Variants in CCDC171 observed in about 807,000 individuals in gnomAD.
The protein encoded by CCDC171 is coiled-coil domain containing 171, also known as coiled-coil domain-containing protein 171.
CCDC171 carries 177 observed loss-of-function variants against 168.2 expected under a neutral mutation model. The observed-to-expected ratio is 1.05, with a 90% CI of 0.93 to 1.19. The LOEUF is 1.19. Among genes scored for constraint, CCDC171 ranks in the 50% most tolerant of loss-of-function variants. The pLI is 0.00. For missense variants in CCDC171, 1,991 were observed against 1,539.0 expected (o/e 1.29, Z -4.91); for synonymous variants, 687 against 540.8 (o/e 1.27, Z -3.75).
At chr9:15,787,622 T>C (rs1240125330) in intron 21 of CCDC171, among the ~76,000 whole-genome samples, 1 of 152,200 alleles carries the variant, frequency 6.6e-6, no homozygotes, top group Non-Finnish European at 1.5e-5. Flanking sequence ...TATCTGTGAT[T>C]ATTTCATCAG....
At chr9:16,040,881 CT>C (rs998554106), upstream of CCDC171, among the ~76,000 whole-genome samples, 7 of 151,212 alleles carry the variant, frequency 4.6e-5, no homozygotes, top group African/African-American at 1.7e-4. Flanking sequence ...GATACTCTCT[CT>C]TTTTTTTTCA....
intron 24 of CCDC171, among the ~76,000 whole-genome samples, chr9:15,918,259 G>A (rs1283807907): frequency 6.6e-6 from 1 of 150,956 alleles, no homozygotes; most frequent in Non-Finnish European, 1.5e-5. Context: ...CTGCACTTCA[G>A]TAAATCCCTA....
At chr9:15,703,069 A>AT (rs1564246321) in intron 11 of CCDC171, among the ~76,000 whole-genome samples, 15 of 151,716 alleles carry the variant, frequency 9.9e-5, no homozygotes, top group South Asian at 4.2e-4. Context: ...ACACCCAGCT[A>AT]ATTTTTTTTA....
At chr9:16,102,947 T>G in the CCDC171 span, among the ~76,000 whole-genome samples, 42 of 152,336 alleles carry the variant, frequency 2.8e-4, 2 homozygotes, top group African/African-American at 4.8e-5. Context: ...TTCTCAATTA[T>G]ATTTCCTTTC....
At chr9:15,755,881 A>G (rs1291162170) in intron 18 of CCDC171, among the ~76,000 whole-genome samples, 1 of 152,214 alleles carries the variant, frequency 6.6e-6, no homozygotes, top group African/African-American at 2.4e-5. Flanking sequence ...GGTTGTGGTT[A>G]TAGTTGCACA....
At chr9:15,993,472 G>A (rs1030154187) in intron 3 of CCDC171, among the ~76,000 whole-genome samples, 1 of 151,896 alleles carries the variant, frequency 6.6e-6, no homozygotes, top group Non-Finnish European at 1.5e-5. Flanking sequence ...TAAATGGTAG[G>A]CCTAAACCCA....
chr9:15,599,688 G>T (rs967466578), intron 6 of CCDC171, among the ~76,000 whole-genome samples: 1 of 152,122 alleles, frequency 6.6e-6, no homozygotes, highest in African/African-American at 2.4e-5. Context: ...GAATCTGAAT[G>T]TTGGCCTGCC....
intron 16 of CCDC171, among the ~76,000 whole-genome samples, chr9:15,732,447 C>G (rs75080305): frequency 0.021 from 3,129 of 152,156 alleles, 102 homozygotes; most frequent in African/African-American, 0.071. Context: ...AGCCTTGGTA[C>G]CTTTGTGAAA....
intron 6 of CCDC171, among the ~76,000 whole-genome samples, chr9:16,025,240 A>C (rs1833254565): frequency 6.6e-6 from 1 of 152,174 alleles, no homozygotes; most frequent in South Asian, 2.1e-4. Flanking sequence ...TCAGGAGTTC[A>C]AAACCAGCCT....
chr9:15,925,171 C>G (rs777466218), intron 25 of CCDC171, among the ~76,000 whole-genome samples: 1 of 151,520 alleles, frequency 6.6e-6, no homozygotes, highest in South Asian at 2.1e-4. Context: ...CTAACCAAGA[C>G]AATGCACTGA....
At chr9:15,661,693 AT>A in intron 8 of CCDC171, among the ~76,000 whole-genome samples, 1 of 152,198 alleles carries the variant, frequency 6.6e-6, no homozygotes, top group East Asian at 1.9e-4. Context: ...TTGTTTGTAT[AT>A]TTTGGCATAA....
At chr9:15,825,781 A>C (rs1419190165) in intron 21 of CCDC171, among the ~76,000 whole-genome samples, 1 of 152,164 alleles carries the variant, frequency 6.6e-6, no homozygotes, top group Admixed American at 6.5e-5. Flanking sequence ...ATTAGCAGCT[A>C]GTTAGCTGTC....
At chr9:15,678,713 T>G in intron 9 of CCDC171, 45 bp from the exon 10 acceptor site, 1 of 1,519,270 alleles carries the variant, frequency 6.6e-7, no homozygotes, top group Non-Finnish European at 8.9e-7. Context: ...TATCAGTTGA[T>G]GTAAGCATGT....
intron 20 of CCDC171, among the ~76,000 whole-genome samples, chr9:15,781,556 C>T (rs1428321401): frequency 8.5e-5 from 13 of 152,150 alleles, no homozygotes; most frequent in Non-Finnish European, 1.5e-4. Context: ...GTGTTACAGG[C>T]GCCCACCACC....
chr9:15,568,712 A>G (rs967108048), intron 2 of CCDC171, among the ~76,000 whole-genome samples: 9 of 151,972 alleles, frequency 5.9e-5, no homozygotes, highest in Non-Finnish European at 1.2e-4. Flanking sequence ...TCTTCTCTTG[A>G]AAATTGTCTT....
chr9:15,699,549 C>T (rs189375986), intron 11 of CCDC171, among the ~76,000 whole-genome samples: 9 of 152,246 alleles, frequency 5.9e-5, no homozygotes, highest in Admixed American at 3.9e-4. Context: ...CGTTTACTAT[C>T]CCTGAGCTAG....
intron 25 of CCDC171, among the ~76,000 whole-genome samples, chr9:15,949,818 C>T (rs1000305039): frequency 6.6e-6 from 1 of 151,976 alleles, no homozygotes; most frequent in Non-Finnish European, 1.5e-5. Context: ...GCCTAATTGC[C>T]CTGGCCAGAA....
intron 23 of CCDC171, among the ~76,000 whole-genome samples, chr9:15,860,072 T>C (rs1177708184): frequency 4.0e-5 from 6 of 151,836 alleles, no homozygotes; most frequent in Admixed American, 2.6e-4. Flanking sequence ...ATATTGCATA[T>C]AATTGTTCAT....
intron 23 of CCDC171, among the ~76,000 whole-genome samples, chr9:15,865,367 A>G (rs1419883479): frequency 1.4e-5 from 2 of 139,350 alleles, no homozygotes; most frequent in African/African-American, 2.6e-5. Flanking sequence ...ACATATATAT[A>G]TGTATATTTG....
Sources: allele counts gnomAD v4.1 joint callset (sites outside exome capture counted in the v4.1 genomes callset), GRCh38; gene constraint gnomAD v4.1.1; transcripts MANE v1.5; gene names NCBI Gene and HGNC (gene_info 2026-07-23, HGNC 2026-07-21).